Variants in PDPR observed in about 807,000 individuals in gnomAD.
The protein encoded by PDPR is pyruvate dehydrogenase phosphatase regulatory subunit.
Under a neutral mutation model 102.2 loss-of-function variants are expected in PDPR, and 50 were observed. That is an observed-to-expected ratio of 0.49 (90% CI 0.39 to 0.62). PDPR has a LOEUF of 0.62. Among genes scored for constraint, PDPR ranks in the 20% least tolerant of loss-of-function variants. PDPR has a pLI of 0.00. For missense variants in PDPR, 625 were observed against 1,098.2 expected, an observed-to-expected ratio of 0.57 and a Z score of 6.09; for synonymous variants, 259 against 406.0, an observed-to-expected ratio of 0.64 and a Z score of 4.35.
rs1220932874 is a variant in PDPR at position 70,159,768 on chromosome 16, CAG to C, written c.*2890_*2891del. Reference sequence around the variant, plus strand: ...GAGAGGCAGTGGCCTCTTGAGTGAACAGGGGAGGCCAGTAGATGCCCCAGATC... The same window carrying C: ...GAGAGGCAGTGGCCTCTTGAGTGAACGGGAGGCCAGTAGATGCCCCAGATC... On this transcript the variant is annotated 3_prime_UTR_variant, in exon 19 of 19. Coordinates refer to ENST00000288050, the MANE Select transcript of PDPR (RefSeq NM_017990.5). 1 of 152,704 alleles carries C rather than the reference CAG, an allele frequency of 6.5e-6. No homozygotes were observed. The highest frequency in any genetic ancestry group is 1.5e-5 in the Non-Finnish European group (1 of 68,376). The allele number at this position is 152,704 out of a possible 1,614,324, so 9.5% of individuals were successfully genotyped here. A position where few individuals can be genotyped will look rare whatever the true frequency, so the allele number is the denominator to read the frequency against.
rs531976982 is a variant in PDPR, at chr16:70,147,895, C to T, written c.1963-569C>T. On this transcript the variant is annotated intron_variant, in intron 16 of 18. Coordinates refer to ENST00000288050, the MANE Select transcript of PDPR (RefSeq NM_017990.5). ...GCATCCTGTCAGCCTCCTGTGGAAGCGGTTCACTTCGGTGCTGTCCAGGAC... is the reference window on the plus strand; with the variant it reads ...GCATCCTGTCAGCCTCCTGTGGAAGTGGTTCACTTCGGTGCTGTCCAGGAC... 1.6e-4 allele frequency among the ~76,000 whole-genome samples: 24 copies of T among 152,290 alleles called. No homozygotes were observed. In the South Asian group the frequency reaches 4.2e-3, roughly 27 times the overall value.
intron 11 of PDPR, among the ~76,000 whole-genome samples, chr16:70,139,404 C>T (rs565305235): frequency 1.3e-3 from 198 of 152,270 alleles, no homozygotes; most frequent in Middle Eastern, 0.01. Context: ...CTTTCTCACT[C>T]CCACTTAGTT....
chr16:70,132,391 T>C, intron 9 of PDPR, 91 bp downstream of exon 9: 2 of 1,318,326 alleles, frequency 1.5e-6, no homozygotes, highest in Admixed American at 2.1e-5. Context: ...CCTTGTTTAA[T>C]GTTTATAACA....
rs532421541 is a variant in PDPR, at chr16:70,157,308, G to A, written c.*429G>A. On this transcript the variant is annotated 3_prime_UTR_variant, in exon 19 of 19. Coordinates refer to ENST00000288050, the MANE Select transcript of PDPR (RefSeq NM_017990.5). ...TTTCTTGGAGCAGCCTATTAGTTCT[G>A]GTGGGGTTGCCGTGTGTCGGATGCA... 5 of 418,924 alleles carry A rather than the reference G, an allele frequency of 1.2e-5. No individual in the cohort carries two copies. The East Asian group carries it at 3.5e-4, about 29-fold the overall frequency. The allele number at this position is 418,924 out of a possible 1,614,324, so 26.0% of individuals were successfully genotyped here.
At position 70,156,498 on chromosome 16, in the gene PDPR, C is replaced by A; in HGVS notation, c.2259C>A (p.Asp753Glu). ...AGGGCATGGATTTCATTGGTCGCGA[C>A]GCCCTCCTGCAGCAGAAGCAGAATG... ...LEKGMDFIGR[D>E]ALLQQKQNGV... The change falls in exon 19 of 19, where the codon GAC (aspartate) becomes GAA (glutamate). Residue 753 changes from aspartate to glutamate, a missense_variant. Asp to Glu is a conservative substitution (Grantham distance 45). This residue lies in a region of PDPR where 303 missense variants were observed against 258.9 expected (regional missense o/e 1.17). Coordinates refer to ENST00000288050, the MANE Select transcript of PDPR (RefSeq NM_017990.5). 6.2e-7 allele frequency: 1 copy of A among 1,610,002 alleles called. No homozygotes were observed. Among genetic ancestry groups the A allele is most frequent in the Non-Finnish European group, 8.5e-7 (1 of 1,177,892 alleles).
intron 9 of PDPR, among the ~76,000 whole-genome samples, chr16:70,134,344 G>T (rs1217749017): frequency 6.6e-6 from 1 of 152,068 alleles, no homozygotes; most frequent in Non-Finnish European, 1.5e-5. Context: ...TCCTGCCTCA[G>T]CCTCCCAGGT....
intron 15 of PDPR, chr16:70,145,837 C>T: frequency 2.1e-6 from 1 of 482,602 alleles, no homozygotes; most frequent in South Asian, 1.8e-5. Context: ...CCACCGGGTA[C>T]TGATTTGGGG....
chr16:70,146,190 C>G lies in PDPR; in HGVS notation c.1924C>G (p.Pro642Ala). The change falls in exon 16 of 19, where the codon CCT becomes GCT. Residue 642 changes from proline to alanine, a missense_variant. Physicochemically the swap from Pro to Ala is conservative, Grantham distance 27. Transcript: ENST00000288050. ...VDVLSELSYAPMTPDHFPSLF... is the reference protein window; with the variant it reads ...VDVLSELSYAAMTPDHFPSLF... Reference sequence around the variant, plus strand: ...TGTGCTGTCTGAGTTGTCCTATGCCCCTATGACTCCAGACCACTTCCCAAG... The same window carrying G: ...TGTGCTGTCTGAGTTGTCCTATGCCGCTATGACTCCAGACCACTTCCCAAG... 6.2e-7 allele frequency: 1 copy of G among 1,613,764 alleles called. No individual in the cohort carries two copies. The highest frequency in any genetic ancestry group is 8.5e-7 in the Non-Finnish European group (1 of 1,179,846).
chr16:70,126,373 C>CT (rs1335033809), intron 3 of PDPR, among the ~76,000 whole-genome samples: 6 of 152,146 alleles, frequency 3.9e-5, no homozygotes, highest in South Asian at 4.1e-4. Flanking sequence ...ATTTTTTTTA[C>CT]TTTTTTTTGA....
Position 70,158,416 on chromosome 16 carries a change from T to A in PDPR, c.*1537T>A, listed in dbSNP as rs1307336137. 1 of 152,968 alleles carries A rather than the reference T, an allele frequency of 6.5e-6. No individual in the cohort carries two copies. The highest frequency in any genetic ancestry group is 1.9e-4 in the East Asian group (1 of 5,192). The allele number at this position is 152,968 out of a possible 1,614,324, so 9.5% of individuals were successfully genotyped here. A position where few individuals can be genotyped will look rare whatever the true frequency, so the allele number is the denominator to read the frequency against. On this transcript the variant is annotated 3_prime_UTR_variant, in exon 19 of 19. Coordinates refer to ENST00000288050, the MANE Select transcript of PDPR (RefSeq NM_017990.5). ...ATTAAGGGACATCCTTCCATTTCATTAGAGCAGCTTAAAATGCTCAGGTGT... is the reference window on the plus strand; with the variant it reads ...ATTAAGGGACATCCTTCCATTTCATAAGAGCAGCTTAAAATGCTCAGGTGT...
In PDPR at chr16:70,144,101, A is replaced by T. The variant is rs181226104; in HGVS notation, c.1755-320A>T. 2.6e-3 allele frequency among the ~76,000 whole-genome samples: 393 copies of T among 151,994 alleles called. 1 individual carries two copies. Among genetic ancestry groups the T allele is most frequent in the Non-Finnish European group, 2.7e-3 (184 of 67,956 alleles). On this transcript the variant is annotated intron_variant, in intron 14 of 18. Coordinates refer to ENST00000288050, the MANE Select transcript of PDPR (RefSeq NM_017990.5). ...GAGATAGGGTTTTGCCACATTGCCC[A>T]GGCTGATCTTGAACACCTGAGCTCA...
intron 3 of PDPR, among the ~76,000 whole-genome samples, chr16:70,125,575 G>GTATATATATATATATATA (rs60529473): frequency 1.1e-4 from 15 of 136,096 alleles, no homozygotes; most frequent in African/African-American, 4.1e-4. Flanking sequence ...AAAAAAAAAA[G>GTATATATATATATATATA]TATATATATA....
intron 3 of PDPR, among the ~76,000 whole-genome samples, chr16:70,123,080 T>G (rs1177993585): frequency 6.6e-6 from 1 of 152,168 alleles, no homozygotes; most frequent in African/African-American, 2.4e-5. Context: ...TCTTGTATTT[T>G]TAGTATAGAT....
Position 70,157,399 on chromosome 16 carries a change from T to G in PDPR, c.*520T>G, listed in dbSNP as rs1967342908. On this transcript the variant is annotated 3_prime_UTR_variant, in exon 19 of 19. Coordinates refer to ENST00000288050, the MANE Select transcript of PDPR (RefSeq NM_017990.5). ...TCTCCTGTTCTGCTGTGCTGTGGGC[T>G]GGCACTCGATACCTCTGGCAAGAGG... The G allele has an allele frequency of 2.8e-6, 1 of 360,428 alleles. No individual in the cohort carries two copies. Among genetic ancestry groups the G allele is most frequent in the African/African-American group, 2.1e-5 (1 of 46,768 alleles). 22.3% of individuals were successfully genotyped at this position (360,428 alleles called of 1,614,324 possible).
At chr16:70,120,740 G>C (rs1963159706) in intron 3 of PDPR, 21 bp downstream of exon 3, 2 of 1,499,284 alleles carry the variant, frequency 1.3e-6, no homozygotes, top group African/African-American at 2.7e-5. Flanking sequence ...GACTGCATTT[G>C]GCTCATGGCT....
In PDPR at chr16:70,157,701, G is replaced by A. The variant is rs1356780968; in HGVS notation, c.*822G>A. 2 of 160,564 alleles carry A rather than the reference G, an allele frequency of 1.2e-5. No individual in the cohort carries two copies. Among genetic ancestry groups the A allele is most frequent in the Non-Finnish European group, 1.4e-5 (1 of 73,030 alleles). 9.9% of individuals were successfully genotyped at this position (160,564 alleles called of 1,614,324 possible). A position where few individuals can be genotyped will look rare whatever the true frequency, so the allele number is the denominator to read the frequency against. On this transcript the variant is annotated 3_prime_UTR_variant, in exon 19 of 19. Coordinates refer to ENST00000288050, the MANE Select transcript of PDPR (RefSeq NM_017990.5). The stretch of plus-strand genomic sequence containing the variant: ...TTGCTTTTCCCAGTCAAAAGGGTCT[G>A]ACCTTAGAAAGTCCCCACCAGTGAT...
At chr16:70,137,488 A>G (rs1469590328) in intron 10 of PDPR, among the ~76,000 whole-genome samples, 2 of 152,278 alleles carry the variant, frequency 1.3e-5, no homozygotes, top group African/African-American at 2.4e-5. Context: ...GACAGAAAGT[A>G]CAATGGTGGT....
At chr16:70,146,766 G>A (rs1428223710) in intron 16 of PDPR, among the ~76,000 whole-genome samples, 2 of 29,964 alleles carry the variant, frequency 6.7e-5, no homozygotes, top group African/African-American at 2.7e-4. Context: ...TACTCGGGAG[G>A]CTGAGGCAGG....
intron 9 of PDPR, among the ~76,000 whole-genome samples, chr16:70,133,740 T>TG (rs1384604448): frequency 1.4e-5 from 2 of 147,614 alleles, no homozygotes; most frequent in East Asian, 2.1e-4. Context: ...TTTGTTTTTT[T>TG]GTTTTTTTTT....
Sources: gnomAD v4.1 joint callset for allele counts (sites outside exome capture counted in the v4.1 genomes callset) on GRCh38, gnomAD v4.1.1 for gene constraint, gnomAD v4.1.1 regional missense constraint, MANE v1.5 for transcripts, NCBI Gene and HGNC (gene_info 2026-07-23, HGNC 2026-07-21) for gene names.